The following USP12 variants were observed in gnomAD, a reference collection of about 807,000 sequenced individuals.
USP12 encodes ubiquitin carboxyl-terminal hydrolase 12.
A neutral mutation model predicts 45.5 loss-of-function variants in USP12; 19 were observed. The ratio of observed to expected loss-of-function variants is 0.42; its 90% CI spans 0.29 to 0.61. The LOEUF is 0.61. USP12 is among the 20% of genes least tolerant of loss of function. The pLI is 0.22. For synonymous variants in USP12, 149 were observed against 148.8 expected, an observed-to-expected ratio of 1.00 and a Z score of -0.01; for missense variants, 242 against 447.7, an observed-to-expected ratio of 0.54 and a Z score of 4.15.
At chr13:27,134,181 T>A (rs2137813740) in intron 1 of USP12, among the ~76,000 whole-genome samples, 1 of 152,304 alleles carries the variant, frequency 6.6e-6, no homozygotes, top group East Asian at 1.9e-4. Flanking sequence ...ATGACTGAAA[T>A]GTGTGACTGC....
intron 1 of USP12, among the ~76,000 whole-genome samples, chr13:27,169,330 G>A (rs1006328806): frequency 1.3e-5 from 2 of 152,126 alleles, no homozygotes; most frequent in African/African-American, 4.8e-5. Flanking sequence ...AGAAGGATAC[G>A]GGGTGTGGCA....
chr13:27,130,765 CTTG>C (rs1383147932), intron 1 of USP12, among the ~76,000 whole-genome samples: 2 of 152,192 alleles, frequency 1.3e-5, no homozygotes, highest in Non-Finnish European at 2.9e-5. Context: ...CAGTGAGTCA[CTTG>C]TTGAAATCTC....
chr13:27,168,799 GA>G (rs1878459931), intron 1 of USP12: 1 of 152,206 alleles, frequency 6.6e-6, no homozygotes, highest in African/African-American at 2.4e-5. Flanking sequence ...CAGCTGAAGA[GA>G]ATTGTTTTTA....
intron 4 of USP12, among the ~76,000 whole-genome samples, chr13:27,094,250 T>A (rs1437228223): frequency 6.7e-6 from 1 of 150,144 alleles, no homozygotes; most frequent in East Asian, 2.0e-4. Context: ...ATGTCTGTAA[T>A]CCCAACACTC....
chr13:27,171,605 G>C lies in USP12; in HGVS notation c.35C>G (p.Ser12Cys). The C allele has an allele frequency of 7.7e-7, 1 of 1,294,704 alleles. No individual in the cohort carries two copies. Among genetic ancestry groups the C allele is most frequent in the Non-Finnish European group, 1.0e-6 (1 of 988,462 alleles). The allele number at this position is 1,294,704 out of a possible 1,614,324, so 80.2% of individuals were successfully genotyped here. A position where few individuals can be genotyped will look rare whatever the true frequency, so the allele number is the denominator to read the frequency against. Residue 12 changes from serine (S) to cysteine (C), a missense_variant, in exon 1 of 9, where the codon TCC (serine) becomes TGC (cysteine). Physicochemically the swap from Ser to Cys is moderately radical, Grantham distance 112. This residue lies in a region of USP12 where 19 missense variants were observed against 16.1 expected (regional missense o/e 1.18). Coordinates refer to ENST00000282344, the MANE Select transcript of USP12 (RefSeq NM_182488.4). ...GCCGCCACCTACCATGGTACAGATG[G>C]AGGCGAATTTGGAGACTGTCATTAG... ...EILMTVSKFA[S>C]ICTMGANASA...
chr13:27,075,171 G>A lies in USP12; in HGVS notation c.932+20C>T. The A allele has an allele frequency of 6.2e-7, 1 of 1,613,044 alleles. No homozygotes were observed. The highest frequency in any genetic ancestry group is 8.5e-7 in the Non-Finnish European group (1 of 1,179,206). On this transcript the variant is annotated intron_variant, in intron 7 of 8. Coordinates refer to ENST00000282344, the MANE Select transcript of USP12 (RefSeq NM_182488.4). Reference sequence around the variant, plus strand: ...TCTAACCTAGGAATTCCACTACTATGTCCCCGGAGTTGCAATTACCTTCCA... The same window carrying A: ...TCTAACCTAGGAATTCCACTACTATATCCCCGGAGTTGCAATTACCTTCCA...
rs1459699673 is a variant in USP12 at position 27,116,681 on chromosome 13, T to C, written c.49-85A>G. ...CTTCAGTCAATGACAGGCCGCAACA[T>C]GATGGTCCTATCACATTACGATGGA... On this transcript the variant is annotated intron_variant, in intron 1 of 8. Coordinates refer to ENST00000282344, the MANE Select transcript of USP12 (RefSeq NM_182488.4). 7 of 1,276,622 alleles carry C rather than the reference T, an allele frequency of 5.5e-6. No homozygotes were observed. The African/African-American group carries it at 7.4e-5, about 14-fold the overall frequency. 79.1% of individuals were successfully genotyped at this position (1,276,622 alleles called of 1,614,324 possible). A position where few individuals can be genotyped will look rare whatever the true frequency, so the allele number is the denominator to read the frequency against.
At chr13:27,117,470 T>C (rs1050714426) in intron 1 of USP12, among the ~76,000 whole-genome samples, 4 of 139,002 alleles carry the variant, frequency 2.9e-5, no homozygotes, top group African/African-American at 1.1e-4. Flanking sequence ...TGGGCCATTG[T>C]TAGGGAAATA....
intron 1 of USP12, among the ~76,000 whole-genome samples, chr13:27,139,791 T>A (rs1463222894): frequency 6.6e-6 from 1 of 152,210 alleles, no homozygotes; most frequent in Non-Finnish European, 1.5e-5. Context: ...ATATTTATTT[T>A]AAAAACATTT....
intron 4 of USP12, among the ~76,000 whole-genome samples, chr13:27,094,497 G>A (rs1446815721): frequency 6.6e-6 from 1 of 152,078 alleles, no homozygotes; most frequent in Non-Finnish European, 1.5e-5. Flanking sequence ...GCAAGAACCT[G>A]TCTCCAAATA....
chr13:27,118,297 G>A (rs183764889), intron 1 of USP12, among the ~76,000 whole-genome samples: 3 of 152,102 alleles, frequency 2.0e-5, no homozygotes, highest in East Asian at 1.9e-4. Flanking sequence ...AAAACAAGAC[G>A]TTTCTTCTAT....
chr13:27,165,927 A>C (rs919897006), intron 1 of USP12, among the ~76,000 whole-genome samples: 1 of 140,480 alleles, frequency 7.1e-6, no homozygotes, highest in Middle Eastern at 3.6e-3. Flanking sequence ...GAGCAAAAAA[A>C]ATAATAATAA....
intron 1 of USP12, among the ~76,000 whole-genome samples, chr13:27,146,007 G>A (rs1198847441): frequency 6.6e-6 from 1 of 152,076 alleles, no homozygotes; most frequent in East Asian, 1.9e-4. Context: ...ATTATTAATG[G>A]GTTATAGGTG....
At chr13:27,135,336 G>A (rs1026484608) in intron 1 of USP12, among the ~76,000 whole-genome samples, 7 of 152,084 alleles carry the variant, frequency 4.6e-5, no homozygotes, top group Admixed American at 1.3e-4. Context: ...AATCTCTATC[G>A]TAACAACATT....
At chr13:27,090,587 T>C (rs926774260) in intron 4 of USP12, among the ~76,000 whole-genome samples, 1 of 152,246 alleles carries the variant, frequency 6.6e-6, no homozygotes, top group Non-Finnish European at 1.5e-5. Context: ...ACATTCTTCA[T>C]TTGTGACTGA....
At position 27,069,001 on chromosome 13, in the gene USP12, G is replaced by C. The variant is rs758535192; in HGVS notation, c.*282C>G. The stretch of plus-strand genomic sequence containing the variant: ...TGCAATTAATAAAGAGAAAATGCGT[G>C]CCAATGACTGGAAGGCTGTTTTAAA... On this transcript the variant is annotated 3_prime_UTR_variant, in exon 9 of 9. Transcript: ENST00000282344. 3.5e-5 allele frequency: 15 copies of C among 431,510 alleles called. No homozygotes were observed. The highest frequency in any genetic ancestry group is 1.2e-4 in the Admixed American group (3 of 24,692). 26.7% of individuals were successfully genotyped at this position (431,510 alleles called of 1,614,324 possible). A position where few individuals can be genotyped will look rare whatever the true frequency, so the allele number is the denominator to read the frequency against.
In USP12 at chr13:27,090,123, A is replaced by G; in HGVS notation, c.609T>C (p.Ser203=). The G allele has an allele frequency of 1.9e-6, 3 of 1,579,550 alleles. No homozygotes were observed. Among genetic ancestry groups the G allele is most frequent in the Non-Finnish European group, 2.6e-6 (3 of 1,155,830 alleles). ...SSKDEDFLDL[S]VDVEQNTSIT... ...TTGATGTATTTTGTTCCACGTCAAC[A>G]GAAAGGTCTAAAAAATCTTCATCTT... The change falls in exon 5 of 9, where the codon TCT becomes TCC. Residue 203 remains serine (S), a synonymous_variant. Transcript: ENST00000282344.
At chr13:27,138,171 A>G (rs1424622616) in intron 1 of USP12, among the ~76,000 whole-genome samples, 1 of 152,244 alleles carries the variant, frequency 6.6e-6, no homozygotes, top group African/African-American at 2.4e-5. Context: ...TCAGCTGCTC[A>G]ATTTGTGATA....
chr13:27,122,430 G>A (rs866910740), intron 1 of USP12, among the ~76,000 whole-genome samples: 3 of 151,850 alleles, frequency 2.0e-5, no homozygotes, highest in East Asian at 1.9e-4. Flanking sequence ...TTTTCTTCAC[G>A]GTCTTGGGTA....
Sources: allele counts gnomAD v4.1 joint callset (sites outside exome capture counted in the v4.1 genomes callset), GRCh38; gene constraint gnomAD v4.1.1; regional missense constraint gnomAD v4.1.1; transcripts MANE v1.5; gene names NCBI Gene and HGNC (gene_info 2026-07-23, HGNC 2026-07-21).